Variants in ENPP1 observed in about 807,000 individuals in gnomAD.
ENPP1 encodes the protein ectonucleotide pyrophosphatase/phosphodiesterase 1, also known as ectonucleotide pyrophosphatase/phosphodiesterase family member 1.
Under a neutral mutation model 122.8 loss-of-function variants are expected in ENPP1, and 73 were observed. The observed-to-expected ratio is 0.59, with a 90% CI of 0.49 to 0.72. The LOEUF (loss-of-function observed/expected upper bound fraction) is 0.72. Ranked by LOEUF, ENPP1 falls within the 30% of genes least tolerant of loss-of-function variation. ENPP1 has a pLI of 0.00. For synonymous variants in ENPP1, 367 were observed against 391.6 expected (o/e 0.94, Z 0.74); for missense variants, 978 against 1,128.1 (o/e 0.87, Z 1.91).
intron 1 of ENPP1, chr6:131,826,245 C>T: frequency 4.1e-6 from 4 of 980,480 alleles, no homozygotes; most frequent in Non-Finnish European, 6.6e-6. Flanking sequence ...CATCTGGTAG[C>T]ATCTCACTGT....
Position 131,813,466 on chromosome 6 carries a change from G to T in ENPP1, c.240+5191G>T, listed in dbSNP as rs146029772. ...AATCGCTTGAACCTGGGAGGCGGAG[G>T]TTGCAGTGAGCCGAGATTGCACCAT... On this transcript the variant is annotated intron_variant, in intron 1 of 24. Transcript: ENST00000647893. Among the ~76,000 whole-genome samples, 1,417 of 151,862 alleles carry T rather than the reference G, an allele frequency of 9.3e-3. 23 individuals carry two copies. Among genetic ancestry groups the T allele is most frequent in the African/African-American group, 0.031 (1,294 of 41,430 alleles).
intron 4 of ENPP1, chr6:131,851,539 C>T (rs1781881228): frequency 9.4e-6 from 4 of 426,870 alleles, no homozygotes; most frequent in Non-Finnish European, 1.3e-5. Flanking sequence ...ACTCATTCCC[C>T]TGCCACCACC....
intron 1 of ENPP1, among the ~76,000 whole-genome samples, chr6:131,842,472 T>G (rs1781753460): frequency 6.6e-6 from 1 of 152,140 alleles, no homozygotes; most frequent in Non-Finnish European, 1.5e-5. Context: ...ACATTAGGAC[T>G]TCACTGCAAA....
rs567107708 is a variant in ENPP1 at position 131,816,895 on chromosome 6, T to G, written c.240+8620T>G. On this transcript the variant is annotated intron_variant, in intron 1 of 24. Transcript: ENST00000647893. The stretch of plus-strand genomic sequence containing the variant: ...TCAATTCTGCTTTACAGATAAGGAA[T>G]CTGAGGCTCAGTCAGGGATTCAGTC... Among the ~76,000 whole-genome samples the G allele has an allele frequency of 3.8e-3, 581 of 152,270 alleles. 4 individuals are homozygous for G. The highest frequency in any genetic ancestry group is 0.013 in the African/African-American group (546 of 41,542).
At chr6:131,862,458 C>T (rs112697293) in intron 9 of ENPP1, among the ~76,000 whole-genome samples, 2,465 of 152,230 alleles carry the variant, frequency 0.016, 67 homozygotes, top group African/African-American at 0.056. Flanking sequence ...TCATGCAGAG[C>T]CAGCTGTGTG....
chr6:131,808,353 G>T, intron 1 of ENPP1, 78 bp downstream of exon 1: 1 of 1,397,796 alleles, frequency 7.2e-7, no homozygotes, highest in Non-Finnish European at 9.4e-7. Flanking sequence ...TGCGCTCTCA[G>T]CGCAGTCAGC....
chr6:131,811,511 T>C (rs915812068), intron 1 of ENPP1, among the ~76,000 whole-genome samples: 2 of 152,112 alleles, frequency 1.3e-5, no homozygotes, highest in East Asian at 3.8e-4. Flanking sequence ...CCTGAGTAGA[T>C]GCTCCTATTA....
Position 131,808,028 on chromosome 6 carries a change from G to C in ENPP1, c.-8G>C. The C allele has an allele frequency of 2.0e-6, 2 of 979,682 alleles. No individual in the cohort carries two copies. The highest frequency in any genetic ancestry group is 2.4e-6 in the Non-Finnish European group (2 of 827,402). The allele number at this position is 979,682 out of a possible 1,614,324, so 60.7% of individuals were successfully genotyped here. ...CCGGGCAGCGGGGCCGGAGCGGCCG[G>C]GGCCACGATGGAGCGCGACGGCTGC... On this transcript the variant is annotated 5_prime_UTR_variant, in exon 1 of 25. Transcript: ENST00000647893.
At chr6:131,808,462 G>T (rs1781309684) in intron 1 of ENPP1, among the ~76,000 whole-genome samples, 187 bp downstream of exon 1, 1 of 152,206 alleles carries the variant, frequency 6.6e-6, no homozygotes, top group African/African-American at 2.4e-5. Context: ...CCCCTGCCAG[G>T]TACCTTGCCA....
chr6:131,844,434 C>T (rs1451082435), intron 1 of ENPP1, among the ~76,000 whole-genome samples: 3 of 152,250 alleles, frequency 2.0e-5, no homozygotes, highest in Non-Finnish European at 4.4e-5. Context: ...CTTTCAAAAT[C>T]TGCCAGTGAT....
intron 1 of ENPP1, among the ~76,000 whole-genome samples, chr6:131,828,743 G>A (rs1012300104): frequency 3.3e-5 from 5 of 152,172 alleles, no homozygotes; most frequent in African/African-American, 1.2e-4. Flanking sequence ...CCAGTCCCGG[G>A]CCCCAGGCCC....
intron 1 of ENPP1, among the ~76,000 whole-genome samples, chr6:131,836,346 T>A (rs1396991008): frequency 6.6e-6 from 1 of 152,136 alleles, no homozygotes; most frequent in Non-Finnish European, 1.5e-5. Context: ...ACTCCTGACC[T>A]CAGGTGATCT....
chr6:131,824,876 A>G (rs963864055), intron 1 of ENPP1, among the ~76,000 whole-genome samples: 1 of 152,040 alleles, frequency 6.6e-6, no homozygotes, highest in African/African-American at 2.4e-5. Flanking sequence ...CCTGGGCAAC[A>G]TGGTGAAACC....
intron 5 of ENPP1, among the ~76,000 whole-genome samples, chr6:131,853,141 T>C (rs769234172): frequency 6.6e-6 from 1 of 152,188 alleles, no homozygotes; most frequent in African/African-American, 2.4e-5. Context: ...TGTTCATGTA[T>C]GTAATTTTTG....
At chr6:131,866,347 A>G (rs140096994) in intron 11 of ENPP1, among the ~76,000 whole-genome samples, 1 of 152,330 alleles carries the variant, frequency 6.6e-6, no homozygotes, top group African/African-American at 2.4e-5. Flanking sequence ...ACTCTTCAGC[A>G]CAGCGTTCAG....
chr6:131,817,098 T>C (rs1208441780), intron 1 of ENPP1, among the ~76,000 whole-genome samples: 2 of 152,234 alleles, frequency 1.3e-5, no homozygotes, highest in Admixed American at 6.5e-5. Context: ...TTTACTCTAC[T>C]TCTAGCAACA....
Position 131,879,965 on chromosome 6 carries a change from C to G in ENPP1, c.2031C>G (p.His677Gln). 3 of 1,613,946 alleles carry G rather than the reference C, an allele frequency of 1.9e-6. No homozygotes were observed. Among genetic ancestry groups the G allele is most frequent in the South Asian group, 2.2e-5 (2 of 91,080 alleles). The change falls in exon 20 of 25, where the codon CAC (histidine) becomes CAG (glutamine). Residue 677 changes from histidine to glutamine, a missense_variant. Physicochemically the swap from His to Gln is conservative, Grantham distance 24. Transcript: ENST00000647893. ...ACACCATCTGTCTTCTTTCCCAGCA[C>G]CAGTTTATGAGTGGATACAGCCAAG... is the stretch of plus-strand genomic sequence containing the variant. The part of the protein sequence containing the change: ...KENTICLLSQ[H>Q]QFMSGYSQDI...
At chr6:131,877,824 G>A (rs1340784384) in intron 18 of ENPP1, 1 of 92,834 alleles carries the variant, frequency 1.1e-5, no homozygotes, top group Non-Finnish European at 1.9e-5. Context: ...GGGCAACAGG[G>A]CAAGACCCTT....
intron 1 of ENPP1, 78 bp from the exon 2 acceptor site, chr6:131,847,698 A>G (rs1008432134): frequency 7.8e-6 from 8 of 1,024,432 alleles, no homozygotes; most frequent in African/African-American, 3.2e-5. Flanking sequence ...AGAGTAAGAC[A>G]CTATCTCTAA....
Sources: gnomAD v4.1 joint callset for allele counts (sites outside exome capture counted in the v4.1 genomes callset) on GRCh38, gnomAD v4.1.1 for gene constraint, MANE v1.5 for transcripts, NCBI Gene and HGNC (gene_info 2026-07-23, HGNC 2026-07-21) for gene names.